PLOD2: variants seen among roughly 807,000 people sequenced by gnomAD.
PLOD2 encodes lysine hydroxylase 2.
In PLOD2, 65 loss-of-function variants were observed where a neutral mutation model predicts 101.0. The ratio of observed to expected loss-of-function variants is 0.64; its 90% CI spans 0.53 to 0.79. The LOEUF is 0.79. Among genes scored for constraint, PLOD2 ranks in the 30% least tolerant of loss-of-function variants. PLOD2 has a pLI of 0.00. For missense variants in PLOD2, 909 were observed against 914.6 expected, an observed-to-expected ratio of 0.99 and a Z score of 0.08; for synonymous variants, 314 against 302.9, an observed-to-expected ratio of 1.04 and a Z score of -0.38.
At position 146,128,632 on chromosome 3, in the gene PLOD2, A is replaced by G. The variant is rs115524437; in HGVS notation, c.110-4403T>C. Among the ~76,000 whole-genome samples, 1,379 of 152,256 alleles carry G rather than the reference A, an allele frequency of 9.1e-3. 5 individuals are homozygous for G. The highest frequency in any genetic ancestry group is 0.015 in the Non-Finnish European group (1,024 of 67,986). ...AATTTCATAATTTCCCCAAAAATCA[A>G]GAAGTCAATTTGTTTAGAAAGGCCA... On this transcript the variant is annotated intron_variant, in intron 1 of 19. Transcript: ENST00000282903.
At chr3:146,148,242 T>C (rs2031877636) in intron 1 of PLOD2, among the ~76,000 whole-genome samples, 1 of 151,882 alleles carries the variant, frequency 6.6e-6, no homozygotes, top group South Asian at 2.1e-4. Flanking sequence ...TTGAATGCAA[T>C]AACAATATTA....
chr3:146,104,319 A>G lies in PLOD2; in HGVS notation c.639T>C (p.Asp213=). 6.3e-7 allele frequency: 1 copy of G among 1,576,694 alleles called. No individual in the cohort carries two copies. Among genetic ancestry groups the G allele is most frequent in the Non-Finnish European group, 8.7e-7 (1 of 1,146,008 alleles). The part of the protein sequence containing the change: ...LKREAINITL[D]HKCKIFQTLN... ...AGGTCTGGAAAATTTTGCATTTGTGATCCAATGTGATGTTAATAGCTTCCT... is the reference window on the plus strand; with the variant it reads ...AGGTCTGGAAAATTTTGCATTTGTGGTCCAATGTGATGTTAATAGCTTCCT... The change falls in exon 6 of 20, where the codon GAT becomes GAC. Residue 213 remains aspartate, a synonymous_variant. Coordinates refer to ENST00000282903, the MANE Select transcript of PLOD2 (RefSeq NM_182943.3).
chr3:146,128,687 G>GA (rs111697639), intron 1 of PLOD2, among the ~76,000 whole-genome samples: 1,943 of 147,246 alleles, frequency 0.013, 43 homozygotes, highest in African/African-American at 0.045. Context: ...AGCTCTAGAA[G>GA]AAAAAAAAAA....
At position 146,079,165 on chromosome 3, in the gene PLOD2, C is replaced by G. The variant is rs142909885; in HGVS notation, c.1451G>C (p.Arg484Pro). Residue 484 changes from arginine to proline, a missense_variant, in exon 13 of 20, where the codon CGT becomes CCT. By Grantham distance (103) the Arg-to-Pro change is moderately radical (BLOSUM62 -2). Coordinates refer to ENST00000282903, the MANE Select transcript of PLOD2 (RefSeq NM_182943.3). ...SEMNERNYFV[R>P]DKLDPDMALC... is the part of the protein sequence containing the mutation. Reference sequence around the variant, plus strand: ...AGCCATATCAGGATCCAGTTTATCACGAACAAAATAGTTCCTTTCATTCAT... The same window carrying G: ...AGCCATATCAGGATCCAGTTTATCAGGAACAAAATAGTTCCTTTCATTCAT... 1.2e-6 allele frequency: 2 copies of G among 1,612,580 alleles called. No homozygotes were observed. The highest frequency in any genetic ancestry group is 1.7e-4 in the Middle Eastern group (1 of 6,056).
chr3:146,115,794 T>C (rs1937880107), intron 3 of PLOD2, among the ~76,000 whole-genome samples: 1 of 152,142 alleles, frequency 6.6e-6, no homozygotes, highest in Admixed American at 6.5e-5. Flanking sequence ...ACAGAAAATA[T>C]TTTAGGTCCT....
intron 2 of PLOD2, among the ~76,000 whole-genome samples, chr3:146,123,879 G>A (rs997904020): frequency 2.0e-5 from 3 of 151,924 alleles, no homozygotes; most frequent in African/African-American, 2.4e-5. Flanking sequence ...TATTTATGGG[G>A]TACATGTGAT....
At position 146,121,225 on chromosome 3, in the gene PLOD2, C is replaced by G. The variant is rs1428028631; in HGVS notation, c.225G>C (p.Trp75Cys). The change falls in exon 3 of 20, where the codon TGG becomes TGC. Residue 75 changes from tryptophan to cysteine, a missense_variant. Coordinates refer to ENST00000282903, the MANE Select transcript of PLOD2 (RefSeq NM_182943.3). ...TVKVLGQGEE[W>C]RGGDGINSIG... ...TACTATTAATTCCATCACCACCTCT[C>G]CATTCTTCTCCTTGACCAAGGACCT... 1 of 1,611,884 alleles carries G rather than the reference C, an allele frequency of 6.2e-7. No individual in the cohort carries two copies. Among genetic ancestry groups the G allele is most frequent in the Admixed American group, 1.7e-5 (1 of 59,974 alleles).
chr3:146,111,207 T>C lies in PLOD2; in HGVS notation c.339-759A>G, dbSNP rs374969794. On this transcript the variant is annotated intron_variant, in intron 3 of 19. Coordinates refer to ENST00000282903, the MANE Select transcript of PLOD2 (RefSeq NM_182943.3). Reference sequence around the variant, plus strand: ...TTTCTACTCTGCAATAAGTTCTTTATTCATTACAATCACAAATTATTTTAC... The same window carrying C: ...TTTCTACTCTGCAATAAGTTCTTTACTCATTACAATCACAAATTATTTTAC... Among the ~76,000 whole-genome samples the C allele has an allele frequency of 2.0e-5, 3 of 152,316 alleles. 1 individual carries two copies. The highest frequency in any genetic ancestry group is 7.2e-5 in the African/African-American group (3 of 41,586).
intron 1 of PLOD2, among the ~76,000 whole-genome samples, chr3:146,128,591 T>C (rs897074749): frequency 6.6e-6 from 1 of 152,098 alleles, no homozygotes; most frequent in Non-Finnish European, 1.5e-5. Flanking sequence ...TTTTGCTCTG[T>C]CTGAAAATTC....
At chr3:146,131,833 T>C (rs998193868) in intron 1 of PLOD2, among the ~76,000 whole-genome samples, 1 of 152,094 alleles carries the variant, frequency 6.6e-6, no homozygotes, top group Non-Finnish European at 1.5e-5. Context: ...TTTTATTTTG[T>C]GGAATTGTTG....
rs1208211393 is a variant in PLOD2, at chr3:146,077,935, G to A, written c.1501-11C>T. On this transcript the variant is annotated splice_polypyrimidine_tract_variant and intron_variant, in intron 13 of 19. Coordinates refer to ENST00000282903, the MANE Select transcript of PLOD2 (RefSeq NM_182943.3). ...TTCCCTTTGTAAAGTCTAAAATGAA[G>A]AGAAGCATTGGGTAAGTTGACCTGT... is the stretch of plus-strand genomic sequence containing the variant. 1.3e-6 allele frequency: 2 copies of A among 1,543,868 alleles called. No individual in the cohort carries two copies. Among genetic ancestry groups the A allele is most frequent in the East Asian group, 2.2e-5 (1 of 44,510 alleles).
intron 1 of PLOD2, among the ~76,000 whole-genome samples, chr3:146,151,676 C>A (rs1226130841): frequency 6.6e-6 from 1 of 152,120 alleles, no homozygotes; most frequent in Admixed American, 6.5e-5. Flanking sequence ...GTTGCTTACC[C>A]GTAAGTGCTT....
intron 2 of PLOD2, among the ~76,000 whole-genome samples, chr3:146,121,666 A>G (rs1188734341): frequency 6.6e-6 from 1 of 152,142 alleles, no homozygotes; most frequent in African/African-American, 2.4e-5. Context: ...CCTTTAAGCA[A>G]TTTTCCTACT....
intron 15 of PLOD2, among the ~76,000 whole-genome samples, chr3:146,074,938 T>C (rs1028618125): frequency 1.7e-4 from 26 of 151,640 alleles, no homozygotes; most frequent in African/African-American, 5.3e-4. Flanking sequence ...TACTCAGTTC[T>C]GATATTTTCA....
chr3:146,072,020 G>A (rs1254713605), intron 17 of PLOD2, among the ~76,000 whole-genome samples: 2 of 151,664 alleles, frequency 1.3e-5, no homozygotes, highest in East Asian at 3.9e-4. Flanking sequence ...CTGCTAAAAT[G>A]GCATGTCTGT....
chr3:146,120,211 T>G (rs893348683), intron 3 of PLOD2, among the ~76,000 whole-genome samples: 2 of 152,230 alleles, frequency 1.3e-5, no homozygotes, highest in African/African-American at 4.8e-5. Context: ...GAGCATTTTT[T>G]CATGTGTATT....
At chr3:146,113,250 C>T (rs188654118) in intron 3 of PLOD2, among the ~76,000 whole-genome samples, 7 of 152,280 alleles carry the variant, frequency 4.6e-5, no homozygotes, top group African/African-American at 7.2e-5. Flanking sequence ...AAAAATTTCA[C>T]GTTGCTGAAA....
rs767119307 is a variant in PLOD2, at chr3:146,160,986, C to T, written c.4G>A (p.Gly2Arg). The stretch of plus-strand genomic sequence containing the variant: ...AGCTGAGGCTTCACCGTGCATCCCC[C>T]CATATTCGGCCCTCGAGGGCCGCGC... MGGCTVKPQLLL... is the reference protein window; with the variant it reads MRGCTVKPQLLL... The change falls in exon 1 of 20, where the codon GGG (glycine) becomes AGG (arginine). Residue 2 changes from glycine (G) to arginine (R), a missense_variant. By Grantham distance (125) the Gly-to-Arg change is moderately radical. Transcript: ENST00000282903. The T allele has an allele frequency of 3.2e-6, 5 of 1,573,372 alleles. No homozygotes were observed. In the African/African-American group the frequency reaches 5.4e-5, roughly 17 times the overall value.
intron 7 of PLOD2, among the ~76,000 whole-genome samples, chr3:146,097,180 G>C (rs1409973765): frequency 1.3e-5 from 2 of 150,964 alleles, no homozygotes; most frequent in African/African-American, 2.4e-5. Flanking sequence ...GGAGGTGGGG[G>C]GTCAGCCCCC....
Sources: allele counts gnomAD v4.1 joint callset (sites outside exome capture counted in the v4.1 genomes callset), GRCh38; gene constraint gnomAD v4.1.1; transcripts MANE v1.5; gene names NCBI Gene and HGNC (gene_info 2026-07-23, HGNC 2026-07-21).